CDC42EP3: variants seen among roughly 807,000 people sequenced by gnomAD.
CDC42EP3 encodes CDC42 effector protein 3.
Under a neutral mutation model 15.5 loss-of-function variants are expected in CDC42EP3, and 4 were observed. That is an observed-to-expected ratio of 0.26 (90% CI 0.13 to 0.59). The LOEUF is 0.59. Among genes scored for constraint, CDC42EP3 ranks in the 20% least tolerant of loss-of-function variants. CDC42EP3 has a pLI of 0.89. For missense variants in CDC42EP3, 309 were observed against 311.2 expected (o/e 0.99, Z 0.05); for synonymous variants, 145 against 130.3 (o/e 1.11, Z -0.77).
chr2:37,669,113 T>C (rs1017676698), intron 1 of CDC42EP3, among the ~76,000 whole-genome samples: 1 of 151,314 alleles, frequency 6.6e-6, no homozygotes, highest in Non-Finnish European at 1.5e-5. Flanking sequence ...ACAATAATAA[T>C]AATAATAATA....
At chr2:37,664,111 T>C (rs879771887) in intron 1 of CDC42EP3, among the ~76,000 whole-genome samples, 1 of 152,096 alleles carries the variant, frequency 6.6e-6, no homozygotes, top group Non-Finnish European at 1.5e-5. Flanking sequence ...GAGGCGGAGC[T>C]TGCAGTGAGC....
chr2:37,646,689 A>AT lies in CDC42EP3; in HGVS notation c.-103dup. ...CCTTTTTGATAGGAACTGTCACATC[A>AT]TTTTTCTCAAGTGGCTTCAGAAGTG... On this transcript the variant is annotated 5_prime_UTR_variant, in exon 2 of 2. The change creates a new upstream start codon in the 5' untranslated region. Transcript: ENST00000295324. 8.5e-7 allele frequency: 1 copy of AT among 1,172,326 alleles called. No individual in the cohort carries two copies. The highest frequency in any genetic ancestry group is 1.6e-5 in the South Asian group (1 of 63,214). The allele number at this position is 1,172,326 out of a possible 1,614,324, so 72.6% of individuals were successfully genotyped here.
At chr2:37,669,753 G>C (rs1666348738) in intron 1 of CDC42EP3, among the ~76,000 whole-genome samples, 1 of 152,238 alleles carries the variant, frequency 6.6e-6, no homozygotes, top group African/African-American at 2.4e-5. Flanking sequence ...TGTGAGCCCA[G>C]AGGCTGGTGC....
At chr2:37,658,064 G>C (rs1665936770) in intron 1 of CDC42EP3, among the ~76,000 whole-genome samples, 1 of 152,114 alleles carries the variant, frequency 6.6e-6, no homozygotes, top group African/African-American at 2.4e-5. Flanking sequence ...TGTCTTAAAT[G>C]TTGGCATTTT....
rs1053435416 is a variant in CDC42EP3 at position 37,642,528 on chromosome 2, G to A, written c.*3295C>T. ...ATGAGAATTGCTAGATTTGGGGCTA[G>A]GTTAACCTCATTTCCAAAAGAAAAA... On this transcript the variant is annotated 3_prime_UTR_variant, in exon 2 of 2. Coordinates refer to ENST00000295324, the MANE Select transcript of CDC42EP3 (RefSeq NM_006449.5). 5 of 152,150 alleles carry A rather than the reference G, an allele frequency of 3.3e-5. No homozygotes were observed. Among genetic ancestry groups the A allele is most frequent in the African/African-American group, 1.2e-4 (5 of 41,432 alleles). 9.4% of individuals were successfully genotyped at this position (152,150 alleles called of 1,614,324 possible). A position where few individuals can be genotyped will look rare whatever the true frequency, so the allele number is the denominator to read the frequency against.
intron 1 of CDC42EP3, among the ~76,000 whole-genome samples, chr2:37,648,077 G>A (rs960851498): frequency 2.0e-5 from 3 of 152,192 alleles, no homozygotes; most frequent in Non-Finnish European, 2.9e-5. Context: ...CATCCTCCCT[G>A]CACATACTAT....
chr2:37,650,952 G>A (rs770347781), intron 1 of CDC42EP3, among the ~76,000 whole-genome samples: 1 of 152,136 alleles, frequency 6.6e-6, no homozygotes, highest in South Asian at 2.1e-4. Flanking sequence ...AAATAACAAG[G>A]CTGTTCAAAC....
intron 1 of CDC42EP3, among the ~76,000 whole-genome samples, chr2:37,652,198 A>G (rs1267766093): frequency 1.3e-5 from 2 of 149,830 alleles, no homozygotes; most frequent in African/African-American, 4.9e-5. Context: ...AAAAAAAAAA[A>G]AAAGAAAATA....
In CDC42EP3 at chr2:37,650,216, C is replaced by T. The variant is rs575945069; in HGVS notation, c.-235-3394G>A. 9.2e-5 allele frequency among the ~76,000 whole-genome samples: 14 copies of T among 152,178 alleles called. 1 individual carries two copies. Among genetic ancestry groups the T allele is most frequent in the South Asian group, 6.2e-4 (3 of 4,828 alleles). On this transcript the variant is annotated intron_variant, in intron 1 of 1. Transcript: ENST00000295324. ...ATTGATCCCAGGAGAGTCAATCCAA[C>T]GCTGATAATCCAATGCCCATAATTT... is the stretch of plus-strand genomic sequence containing the variant.
intron 1 of CDC42EP3, among the ~76,000 whole-genome samples, chr2:37,659,320 T>C (rs772963189): frequency 2.0e-5 from 3 of 152,214 alleles, no homozygotes; most frequent in Admixed American, 2.0e-4. Context: ...AAAACAAACA[T>C]GTAACAAGAA....
At chr2:37,658,589 T>C (rs926836612) in intron 1 of CDC42EP3, among the ~76,000 whole-genome samples, 2 of 152,146 alleles carry the variant, frequency 1.3e-5, no homozygotes, top group Non-Finnish European at 2.9e-5. Flanking sequence ...CCATCTTTCT[T>C]CCCCCTGCCT....
intron 1 of CDC42EP3, among the ~76,000 whole-genome samples, chr2:37,651,675 G>T (rs1665683100): frequency 6.6e-6 from 1 of 152,248 alleles, no homozygotes; most frequent in African/African-American, 2.4e-5. Context: ...AAAGGAAAGT[G>T]AGAAAATTCA....
intron 1 of CDC42EP3, among the ~76,000 whole-genome samples, chr2:37,658,471 G>GC (rs2124627747): frequency 6.6e-6 from 1 of 152,252 alleles, no homozygotes. Context: ...TTCCCAGAGA[G>GC]TTTGAAAAGC....
chr2:37,667,121 C>T (rs558685211), intron 1 of CDC42EP3, among the ~76,000 whole-genome samples: 2 of 152,000 alleles, frequency 1.3e-5, no homozygotes, highest in South Asian at 2.1e-4. Flanking sequence ...GTGGGTTTTC[C>T]GGGGCAAGCA....
chr2:37,672,349 C>T (rs1211493392), upstream of CDC42EP3: 1 of 152,290 alleles, frequency 6.6e-6, no homozygotes, highest in African/African-American at 2.4e-5. Context: ...ACAGGTTCTC[C>T]TACCCAGAGG....
rs145771711 is a variant in CDC42EP3 at position 37,662,404 on chromosome 2, G to A, written c.-236+9022C>T. On this transcript the variant is annotated intron_variant, in intron 1 of 1. Coordinates refer to ENST00000295324, the MANE Select transcript of CDC42EP3 (RefSeq NM_006449.5). ...AAAGCTGGAGCTGCATAAGGAAGAA[G>A]ATGAGCTGGAAGCTCATGGTGGGGA... Among the ~76,000 whole-genome samples, 23 of 152,344 alleles carry A rather than the reference G, an allele frequency of 1.5e-4. No homozygotes were observed. The East Asian group carries it at 3.5e-3, about 23-fold the overall frequency.
At chr2:37,671,714 C>T (rs1265030716), upstream of CDC42EP3, 15 of 150,920 alleles carry the variant, frequency 9.9e-5, no homozygotes, top group East Asian at 2.9e-3. Flanking sequence ...GCCGGCGGCG[C>T]GGGGACTCAC....
At chr2:37,671,820 C>CCGGG (rs375003967), upstream of CDC42EP3, 1 of 149,332 alleles carries the variant, frequency 6.7e-6, no homozygotes, top group African/African-American at 2.5e-5. Context: ...GGCGCGCGCG[C>CCGGG]GGGGGGGGGT....
intron 1 of CDC42EP3, among the ~76,000 whole-genome samples, chr2:37,662,657 C>T (rs1666101139): frequency 6.6e-6 from 1 of 152,196 alleles, no homozygotes; most frequent in Non-Finnish European, 1.5e-5. Context: ...ACCACCATCC[C>T]AGGGTGAGCC....
Sources: allele counts gnomAD v4.1 joint callset (sites outside exome capture counted in the v4.1 genomes callset), GRCh38; gene constraint gnomAD v4.1.1; transcripts MANE v1.5; gene names NCBI Gene and HGNC (gene_info 2026-07-23, HGNC 2026-07-21).